DTX4: variants seen among roughly 807,000 people sequenced by gnomAD.
DTX4 encodes E3 ubiquitin-protein ligase DTX4.
Under a neutral mutation model 57.6 loss-of-function variants are expected in DTX4, and 28 were observed. The ratio of observed to expected loss-of-function variants is 0.49; its 90% CI spans 0.36 to 0.67. The LOEUF is 0.67. Ranked by LOEUF, DTX4 falls within the 30% of genes least tolerant of loss-of-function variation. The pLI is 0.00. For missense variants in DTX4, 715 were observed against 836.8 expected (o/e 0.85, Z 1.80); for synonymous variants, 316 against 331.0 (o/e 0.95, Z 0.49).
intron 2 of DTX4, 145 bp downstream of exon 2, chr11:59,182,607 TG>T: frequency 1.7e-6 from 2 of 1,161,362 alleles, no homozygotes; most frequent in Non-Finnish European, 2.3e-6. Context: ...GTGGTGCACC[TG>T]GCTGCAGGTG....
chr11:59,204,548 C>T (rs1387183084), intron 8 of DTX4, 128 bp from the exon 9 acceptor site: 1 of 842,756 alleles, frequency 1.2e-6, no homozygotes, highest in African/African-American at 1.7e-5. Context: ...CTTTCTTTCC[C>T]CTGGGCTGCT....
At chr11:59,191,917 T>C (rs1418434591) in intron 5 of DTX4, among the ~76,000 whole-genome samples, 181 bp from the exon 6 acceptor site, 1 of 152,182 alleles carries the variant, frequency 6.6e-6, no homozygotes, top group Non-Finnish European at 1.5e-5. Flanking sequence ...CAGGAATTAT[T>C]TCAGGACGTT....
At chr11:59,196,305 GA>G (rs112199734) in intron 7 of DTX4, among the ~76,000 whole-genome samples, 1,933 of 152,274 alleles carry the variant, frequency 0.013, 47 homozygotes, top group African/African-American at 0.044. Flanking sequence ...GGAAACAAAT[GA>G]ATAAACAAGG....
Position 59,204,793 on chromosome 11 carries a change from T to C in DTX4, c.1744T>C (p.Phe582Leu). 6.2e-7 allele frequency: 1 copy of C among 1,613,168 alleles called. No homozygotes were observed. The change falls in exon 9 of 9, where the codon TTT becomes CTT. Residue 582 changes from phenylalanine to leucine, a missense_variant. Coordinates refer to ENST00000227451, the MANE Select transcript of DTX4 (RefSeq NM_015177.2). ...IWNEVHHKTEFGSNLTGHGYP... is the reference protein window; with the variant it reads ...IWNEVHHKTELGSNLTGHGYP... ...GAATGAGGTCCACCACAAGACAGAG[T>C]TTGGCTCTAATCTCACTGGCCATGG...
chr11:59,201,347 C>A (rs554013407), intron 8 of DTX4, among the ~76,000 whole-genome samples: 1 of 152,190 alleles, frequency 6.6e-6, no homozygotes, highest in Non-Finnish European at 1.5e-5. Flanking sequence ...CAGCTTCAGT[C>A]GGCTCCACGT....
At chr11:59,202,263 T>C (rs566299921) in intron 8 of DTX4, among the ~76,000 whole-genome samples, 1 of 152,178 alleles carries the variant, frequency 6.6e-6, no homozygotes, top group African/African-American at 2.4e-5. Context: ...GATTGAAGTA[T>C]AATTAGAGGA....
intron 2 of DTX4, among the ~76,000 whole-genome samples, chr11:59,187,832 G>A (rs1310843552): frequency 6.6e-6 from 1 of 152,244 alleles, no homozygotes; most frequent in African/African-American, 2.4e-5. Context: ...AGTTGCTGGG[G>A]AGAAGGACAG....
intron 2 of DTX4, among the ~76,000 whole-genome samples, chr11:59,185,947 C>T (rs11607673): frequency 0.45 from 68,164 of 151,848 alleles, 15,541 homozygotes; most frequent in Middle Eastern, 0.52. Context: ...GTCAACAGAA[C>T]GCAGAGAGGC....
chr11:59,182,156 G>C lies in DTX4; in HGVS notation c.629G>C (p.Gly210Ala). 1.9e-6 allele frequency: 3 copies of C among 1,613,062 alleles called. No homozygotes were observed. In the African/African-American group the frequency reaches 4.0e-5, roughly 22 times the overall value. Residue 210 changes from glycine to alanine, a missense_variant, in exon 2 of 9, where the codon GGG becomes GCG. Physicochemically the swap from Gly to Ala is moderately conservative, Grantham distance 60 (BLOSUM62 0). Coordinates refer to ENST00000227451, the MANE Select transcript of DTX4 (RefSeq NM_015177.2). ...GCAGCCGTGGTCAATGGCAGCACTG[G>C]GCCCCTACAGCTGCCAGTGACCCGC... ...VKAAVVNGST[G>A]PLQLPVTRKN...
At position 59,195,352 on chromosome 11, in the gene DTX4, A is replaced by G. The variant is rs1253712436; in HGVS notation, c.1519A>G (p.Ile507Val). Residue 507 changes from isoleucine (I) to valine (V), a missense_variant, in exon 7 of 9, where the codon ATC becomes GTC. Ile to Val is a conservative substitution (Grantham distance 29, BLOSUM62 3). Coordinates refer to ENST00000227451, the MANE Select transcript of DTX4 (RefSeq NM_015177.2). ...CAAAACCATCCGGATCATCTACAGC[A>G]TCCCCCCCGGCATTCAGGTGAGCCT... is the stretch of plus-strand genomic sequence containing the variant. ...DCKTIRIIYS[I>V]PPGIQGPEHP... 17 of 1,606,730 alleles carry G rather than the reference A, an allele frequency of 1.1e-5. No homozygotes were observed. Among genetic ancestry groups the G allele is most frequent in the Non-Finnish European group, 1.4e-5 (17 of 1,174,668 alleles).
Position 59,182,325 on chromosome 11 carries a change from C to A in DTX4, c.798C>A (p.Pro266=). Reference sequence around the variant, plus strand: ...TCCGGAGACAAGCCTCCAGCATGCCCACTGGGACAACCATGGGCTCTCCTG... The same window carrying A: ...TCCGGAGACAAGCCTCCAGCATGCCAACTGGGACAACCATGGGCTCTCCTG... The part of the protein sequence containing the change: ...QVIRRQASSM[P]TGTTMGSPAS... The change falls in exon 2 of 9, where the codon CCC becomes CCA. Residue 266 remains proline (P), a synonymous_variant. Transcript: ENST00000227451. 1 of 1,612,948 alleles carries A rather than the reference C, an allele frequency of 6.2e-7. No homozygotes were observed.
chr11:59,197,220 G>T (rs1419007400), intron 7 of DTX4, among the ~76,000 whole-genome samples: 1 of 152,156 alleles, frequency 6.6e-6, no homozygotes, highest in Non-Finnish European at 1.5e-5. Flanking sequence ...AAAGAGGAGG[G>T]CTTATATCTG....
intron 7 of DTX4, among the ~76,000 whole-genome samples, chr11:59,195,653 G>A (rs544964794): frequency 4.6e-5 from 7 of 151,838 alleles, no homozygotes; most frequent in Admixed American, 6.6e-5. Context: ...GGCACCCTGC[G>A]CTTTTCAGTT....
In DTX4 at chr11:59,172,590, C is replaced by A. The variant is rs1328814665; in HGVS notation, c.-6C>A. 5 of 1,460,922 alleles carry A rather than the reference C, an allele frequency of 3.4e-6. No individual in the cohort carries two copies. Among genetic ancestry groups the A allele is most frequent in the Non-Finnish European group, 4.5e-6 (5 of 1,111,060 alleles). 90.5% of individuals were successfully genotyped at this position (1,460,922 alleles called of 1,614,324 possible). On this transcript the variant is annotated 5_prime_UTR_variant, in exon 1 of 9. Transcript: ENST00000227451. ...GGCCGCGCAGCGCCGCAGCCCCGGG[C>A]TCGCCATGCTCCTGGCCTCGGCCGT...
intron 5 of DTX4, 72 bp from the exon 6 acceptor site, chr11:59,192,026 T>TA: frequency 1.3e-6 from 2 of 1,554,628 alleles, no homozygotes; most frequent in Non-Finnish European, 1.8e-6. Flanking sequence ...ATCTGACCTC[T>TA]GAGATCATGT....
At chr11:59,177,730 T>C (rs2135511936) in intron 1 of DTX4, among the ~76,000 whole-genome samples, 1 of 152,362 alleles carries the variant, frequency 6.6e-6, no homozygotes, top group African/African-American at 2.4e-5. Flanking sequence ...AGGTCCCTTC[T>C]TCTGAAACAC....
intron 8 of DTX4, among the ~76,000 whole-genome samples, chr11:59,203,437 A>T (rs1334055706): frequency 1.3e-5 from 2 of 151,950 alleles, no homozygotes; most frequent in Non-Finnish European, 2.9e-5. Context: ...ACACGAACAT[A>T]TACCTTAGCC....
rs138722299 is a variant in DTX4, at chr11:59,192,706, A to G, written c.1374+456A>G. Reference sequence around the variant, plus strand: ...CCAGGGTTAGTGATTTTCAGCTACAATTTTCTTTGGACAATTTCAAAACAC... The same window carrying G: ...CCAGGGTTAGTGATTTTCAGCTACAGTTTTCTTTGGACAATTTCAAAACAC... On this transcript the variant is annotated intron_variant, in intron 6 of 8. Transcript: ENST00000227451. Among the ~76,000 whole-genome samples, 925 of 152,200 alleles carry G rather than the reference A, an allele frequency of 6.1e-3. 5 individuals carry two copies. Among genetic ancestry groups the G allele is most frequent in the Non-Finnish European group, 0.01 (689 of 67,990 alleles).
intron 1 of DTX4, among the ~76,000 whole-genome samples, chr11:59,174,772 T>C (rs1862374985): frequency 6.6e-6 from 1 of 152,166 alleles, no homozygotes; most frequent in African/African-American, 2.4e-5. Flanking sequence ...GACTGCCTGG[T>C]GGTGAGCAAT....
Sources: allele counts gnomAD v4.1 joint callset (sites outside exome capture counted in the v4.1 genomes callset), GRCh38; gene constraint gnomAD v4.1.1; transcripts MANE v1.5; gene names NCBI Gene and HGNC (gene_info 2026-07-23, HGNC 2026-07-21).